Variants in GAD1 observed in about 807,000 individuals in gnomAD.
The protein encoded by GAD1 is 67 kDa glutamic acid decarboxylase.
GAD1 carries 35 observed loss-of-function variants against 75.2 expected under a neutral mutation model. That is an observed-to-expected ratio of 0.47 (90% CI 0.36 to 0.62). GAD1 has a LOEUF of 0.62. GAD1 is among the 20% of genes least tolerant of loss of function. The pLI is 0.00. For missense variants in GAD1, 490 were observed against 758.5 expected, an observed-to-expected ratio of 0.65 and a Z score of 4.16; for synonymous variants, 257 against 271.9, an observed-to-expected ratio of 0.95 and a Z score of 0.54.
intron 11 of GAD1, chr2:170,848,925 A>T: frequency 2.4e-6 from 1 of 422,290 alleles, no homozygotes; most frequent in East Asian, 6.4e-5. Context: ...AGCAGGCCTC[A>T]GTTTTTTGAG....
chr2:170,843,331 G>C (rs1161103339), intron 6 of GAD1, among the ~76,000 whole-genome samples: 1 of 152,216 alleles, frequency 6.6e-6, no homozygotes, highest in Non-Finnish European at 1.5e-5. Context: ...CCCACAGCTA[G>C]TTGTTTATGC....
At chr2:170,822,283 C>A (rs1701907789) in intron 3 of GAD1, 134 bp downstream of exon 3, 2 of 784,802 alleles carry the variant, frequency 2.5e-6, no homozygotes, top group Admixed American at 4.1e-5. Flanking sequence ...ACAGCCAGGA[C>A]AGCCAGCGAC....
intron 2 of GAD1, chr2:170,821,825 GC>G (rs1429421081): frequency 1.3e-5 from 7 of 520,816 alleles, no homozygotes; most frequent in Non-Finnish European, 2.4e-5. Flanking sequence ...TCGCTTACGG[GC>G]CCGGAGGGGC....
chr2:170,855,209 C>CTTTTTTTT (rs536241751), intron 14 of GAD1, among the ~76,000 whole-genome samples: 1 of 129,284 alleles, frequency 7.7e-6, no homozygotes. Context: ...GTCATTTTGT[C>CTTTTTTTT]TTTTTTTTTT....
At chr2:170,827,032 C>T (rs767035307) in intron 3 of GAD1, among the ~76,000 whole-genome samples, 45 of 151,950 alleles carry the variant, frequency 3.0e-4, no homozygotes, top group Non-Finnish European at 4.6e-4. Flanking sequence ...TAGTGTATTT[C>T]CCCCCTTCTC....
At chr2:170,820,233 G>T (rs933738883) in intron 2 of GAD1, among the ~76,000 whole-genome samples, 16 of 152,188 alleles carry the variant, frequency 1.1e-4, no homozygotes, top group African/African-American at 3.6e-4. Context: ...GCGCCCTTAC[G>T]GAATTCCCGG....
At chr2:170,850,989 G>A (rs956885313) in intron 12 of GAD1, among the ~76,000 whole-genome samples, 2 of 151,350 alleles carry the variant, frequency 1.3e-5, no homozygotes, top group Admixed American at 6.6e-5. Flanking sequence ...ACTCCCGCCT[G>A]AGTGACAGAG....
intron 12 of GAD1, among the ~76,000 whole-genome samples, chr2:170,851,686 GC>G (rs1702746161): frequency 6.6e-6 from 1 of 152,176 alleles, no homozygotes. Context: ...TATAGGCCAG[GC>G]CTTTGGGAAG....
At chr2:170,846,295 T>C (rs1702631779) in intron 10 of GAD1, among the ~76,000 whole-genome samples, 1 of 152,224 alleles carries the variant, frequency 6.6e-6, no homozygotes, top group African/African-American at 2.4e-5. Flanking sequence ...TGTCCTATCT[T>C]CATTGTGCCA....
chr2:170,857,217 C>T, intron 15 of GAD1, 92 bp downstream of exon 15: 1 of 941,080 alleles, frequency 1.1e-6, no homozygotes. Context: ...GAAAATCAAT[C>T]CCATGTTGCC....
Position 170,860,037 on chromosome 2 carries a change from G to C in GAD1, c.*155G>C, listed in dbSNP as rs779464118. 3 of 764,040 alleles carry C rather than the reference G, an allele frequency of 3.9e-6. No homozygotes were observed. Among genetic ancestry groups the C allele is most frequent in the African/African-American group, 1.7e-5 (1 of 57,502 alleles). 47.3% of individuals were successfully genotyped at this position (764,040 alleles called of 1,614,324 possible). ...TTAAAACCTTACTTAAAGCTTGTTT[G>C]TTCTAGTTAGCAGGAAATAGTGTTC... On this transcript the variant is annotated 3_prime_UTR_variant, in exon 17 of 17. Transcript: ENST00000358196.
chr2:170,847,897 C>T, intron 11 of GAD1, 105 bp downstream of exon 11: 1 of 794,690 alleles, frequency 1.3e-6, no homozygotes, highest in South Asian at 1.3e-5. Flanking sequence ...CCTCTCTCCA[C>T]ACCACATTAG....
rs146395856 is a variant in GAD1, at chr2:170,852,588, G to A, written c.1185-126G>A. The stretch of plus-strand genomic sequence containing the variant: ...AAAACATTTGTTTGCTACTTGATTA[G>A]TCAATTCAGGAGAATAGGCATGGAT... On this transcript the variant is annotated intron_variant, in intron 12 of 16. Transcript: ENST00000358196. 278 of 785,226 alleles carry A rather than the reference G, an allele frequency of 3.5e-4. 1 individual carries two copies. In the East Asian group the frequency reaches 5.9e-3, roughly 17 times the overall value. 48.6% of individuals were successfully genotyped at this position (785,226 alleles called of 1,614,324 possible). A position where few individuals can be genotyped will look rare whatever the true frequency, so the allele number is the denominator to read the frequency against.
chr2:170,836,271 C>T (rs995622306), intron 5 of GAD1, among the ~76,000 whole-genome samples: 14 of 152,130 alleles, frequency 9.2e-5, no homozygotes, highest in African/African-American at 4.8e-5. Context: ...TTGAGTTTTC[C>T]GTTGAATGCT....
chr2:170,832,350 T>C (rs1702252656), intron 5 of GAD1, among the ~76,000 whole-genome samples: 1 of 152,170 alleles, frequency 6.6e-6, no homozygotes, highest in Non-Finnish European at 1.5e-5. Flanking sequence ...GGCTTGTAGA[T>C]GCATCGCTCC....
Position 170,845,580 on chromosome 2 carries a change from A to C in GAD1, c.826A>C (p.Met276Leu). The part of the protein sequence containing the change: ...KYFPEVKTKG[M>L]AAVPKLVLFT... ...CTTCCCGGAAGTTAAGACAAAGGGC[A>C]TGGCGGCTGTGCCTAAACTGGTCCT... The change falls in exon 8 of 17, where the codon ATG becomes CTG. Residue 276 changes from methionine to leucine, a missense_variant. Physicochemically the swap from Met to Leu is conservative, Grantham distance 15. Transcript: ENST00000358196. 6.2e-7 allele frequency: 1 copy of C among 1,614,200 alleles called. No homozygotes were observed. The highest frequency in any genetic ancestry group is 8.5e-7 in the Non-Finnish European group (1 of 1,180,042).
At chr2:170,828,157 CCTCTGCTGTCCTCGCCCTCCTCT>C (rs1702077066) in intron 3 of GAD1, among the ~76,000 whole-genome samples, 3,295 of 109,710 alleles carry the variant, frequency 0.03, 2 homozygotes, top group Non-Finnish European at 0.044. Flanking sequence ...CACCCTCCTC[CCTCTGCTGTCCTCGCCCTCCTCT>C]CTCTGCTGTC....
intron 3 of GAD1, among the ~76,000 whole-genome samples, chr2:170,825,708 T>G (rs1285883170): frequency 1.3e-5 from 2 of 152,088 alleles, no homozygotes; most frequent in African/African-American, 4.8e-5. Flanking sequence ...AGCTCAGAGG[T>G]GGAGTCATGA....
chr2:170,836,942 T>A, intron 6 of GAD1, 59 bp downstream of exon 6: 1 of 1,227,286 alleles, frequency 8.1e-7, no homozygotes, highest in Non-Finnish European at 1.2e-6. Context: ...CTTGTTGCTT[T>A]AAAAGTTCAG....
Sources: allele counts gnomAD v4.1 joint callset (sites outside exome capture counted in the v4.1 genomes callset), GRCh38; gene constraint gnomAD v4.1.1; transcripts MANE v1.5; gene names NCBI Gene and HGNC (gene_info 2026-07-23, HGNC 2026-07-21).